CFAP299: variants seen among roughly 807,000 people sequenced by gnomAD.
CFAP299 encodes the protein cilia and flagella associated protein 299, also known as cilia- and flagella-associated protein 299.
A neutral mutation model predicts 27.0 loss-of-function variants in CFAP299; 21 were observed. The ratio of observed to expected loss-of-function variants is 0.78; its 90% CI spans 0.55 to 1.12. The LOEUF (loss-of-function observed/expected upper bound fraction) is 1.12, where lower values mean the gene tolerates loss of function less well. CFAP299 is among the 50% of genes most tolerant of loss of function. CFAP299 has a pLI of 0.00. For synonymous variants in CFAP299, 104 were observed against 98.1 expected (o/e 1.06, Z -0.36); for missense variants, 310 against 276.6 (o/e 1.12, Z -0.86).
intron 5 of CFAP299, among the ~76,000 whole-genome samples, chr4:80,962,894 C>T (rs2109871933): frequency 6.6e-6 from 1 of 151,932 alleles, no homozygotes; most frequent in African/African-American, 2.4e-5. Flanking sequence ...TTTCTTCTCC[C>T]TTATCAATAC....
intron 2 of CFAP299, among the ~76,000 whole-genome samples, chr4:80,518,741 GC>G (rs1195400822): frequency 6.6e-6 from 1 of 152,070 alleles, no homozygotes; most frequent in Non-Finnish European, 1.5e-5. Flanking sequence ...GCTTTGCTTG[GC>G]CATCAGGTAT....
intron 5 of CFAP299, among the ~76,000 whole-genome samples, chr4:80,946,859 G>A (rs946494867): frequency 3.3e-5 from 5 of 152,098 alleles, no homozygotes; most frequent in African/African-American, 4.8e-5. Context: ...CATTTCCAGA[G>A]TCATTTCCTT....
chr4:80,526,697 A>G (rs1006548923), intron 2 of CFAP299, among the ~76,000 whole-genome samples: 3 of 152,104 alleles, frequency 2.0e-5, no homozygotes, highest in African/African-American at 7.2e-5. Context: ...TGTCTAAGGC[A>G]TATACTTTGA....
intron 2 of CFAP299, among the ~76,000 whole-genome samples, chr4:80,571,634 A>G (rs1278097835): frequency 6.6e-6 from 1 of 151,884 alleles, no homozygotes; most frequent in Non-Finnish European, 1.5e-5. Context: ...CTAACCCCAA[A>G]TATCATGGTA....
In CFAP299 at chr4:80,390,866, C is replaced by T. The variant is rs375320484; in HGVS notation, c.242+27982C>T. ...ATACACATATATGTATATGTATATG[C>T]GCACATATATGTATATATGTATATA... On this transcript the variant is annotated intron_variant, in intron 2 of 5. Coordinates refer to ENST00000358105, the MANE Select transcript of CFAP299 (RefSeq NM_152770.3). 1.3e-3 allele frequency among the ~76,000 whole-genome samples: 136 copies of T among 102,014 alleles called. 1 individual carries two copies. Among genetic ancestry groups the T allele is most frequent in the African/African-American group, 3.1e-3 (81 of 25,832 alleles). The allele number at this position is 102,014 out of a possible 152,430, so 66.9% of individuals were successfully genotyped here. A position where few individuals can be genotyped will look rare whatever the true frequency, so the allele number is the denominator to read the frequency against.
At chr4:80,366,135 A>C (rs1012646972) in intron 2 of CFAP299, among the ~76,000 whole-genome samples, 1 of 152,188 alleles carries the variant, frequency 6.6e-6, no homozygotes, top group Non-Finnish European at 1.5e-5. Flanking sequence ...AGAGCCAAAT[A>C]TGTCCTGTGC....
At chr4:80,923,904 TA>T (rs1195433716) in intron 4 of CFAP299, among the ~76,000 whole-genome samples, 2 of 152,034 alleles carry the variant, frequency 1.3e-5, no homozygotes, top group Non-Finnish European at 2.9e-5. Flanking sequence ...TATAGTTATA[TA>T]TTTTTTAAAG....
intron 4 of CFAP299, among the ~76,000 whole-genome samples, chr4:80,884,871 T>A (rs74954427): frequency 0.042 from 6,318 of 152,224 alleles, 392 homozygotes; most frequent in African/African-American, 0.13. Flanking sequence ...CAATCACAAC[T>A]GTTAACAATT....
intron 4 of CFAP299, among the ~76,000 whole-genome samples, chr4:80,912,314 C>A (rs1049165840): frequency 9.9e-5 from 15 of 152,184 alleles, no homozygotes; most frequent in African/African-American, 3.6e-4. Context: ...TATTATTATA[C>A]CCCTGCCTTC....
chr4:80,359,226 A>G (rs1723424405), intron 1 of CFAP299, among the ~76,000 whole-genome samples: 1 of 152,134 alleles, frequency 6.6e-6, no homozygotes, highest in South Asian at 2.1e-4. Context: ...AGGTGATCTG[A>G]CGCTTCTCTC....
intron 3 of CFAP299, among the ~76,000 whole-genome samples, chr4:80,782,346 G>C (rs1726928694): frequency 6.6e-6 from 1 of 151,710 alleles, no homozygotes; most frequent in Admixed American, 6.6e-5. Flanking sequence ...GAATTTAGCA[G>C]TTTGTGAAAC....
At chr4:80,625,275 G>A (rs552455577) in intron 3 of CFAP299, among the ~76,000 whole-genome samples, 1 of 152,114 alleles carries the variant, frequency 6.6e-6, no homozygotes, top group Non-Finnish European at 1.5e-5. Flanking sequence ...TGGTGTGTCT[G>A]TGTGTGTATG....
At chr4:80,638,680 T>C (rs975070240) in intron 3 of CFAP299, among the ~76,000 whole-genome samples, 1 of 152,192 alleles carries the variant, frequency 6.6e-6, no homozygotes, top group Non-Finnish European at 1.5e-5. Flanking sequence ...TATTTTCTGA[T>C]GGTAAGTTCT....
intron 3 of CFAP299, among the ~76,000 whole-genome samples, chr4:80,604,593 G>GAAT (rs1737542431): frequency 6.6e-6 from 1 of 152,170 alleles, no homozygotes. Flanking sequence ...TATTGGCAGT[G>GAAT]AATACATGAG....
intron 3 of CFAP299, among the ~76,000 whole-genome samples, chr4:80,661,682 A>G (rs1307945565): frequency 6.6e-6 from 1 of 152,160 alleles, no homozygotes; most frequent in South Asian, 2.1e-4. Context: ...AAATCTGGGC[A>G]CCTTGAAAAA....
intron 3 of CFAP299, among the ~76,000 whole-genome samples, chr4:80,794,141 A>G (rs545712781): frequency 1.3e-5 from 2 of 152,310 alleles, no homozygotes; most frequent in African/African-American, 4.8e-5. Context: ...GTCTGGGTCA[A>G]TCACCCCAGC....
At chr4:80,910,821 A>T (rs893999198) in intron 4 of CFAP299, among the ~76,000 whole-genome samples, 2 of 152,086 alleles carry the variant, frequency 1.3e-5, no homozygotes, top group African/African-American at 2.4e-5. Flanking sequence ...TAAAAAAAAA[A>T]TTATTGTCAT....
intron 3 of CFAP299, among the ~76,000 whole-genome samples, chr4:80,787,772 C>T (rs1727328242): frequency 6.6e-6 from 1 of 151,970 alleles, no homozygotes; most frequent in African/African-American, 2.4e-5. Context: ...TTGCCACTCC[C>T]TGACTTTCAC....
intron 2 of CFAP299, among the ~76,000 whole-genome samples, chr4:80,551,231 A>G (rs1034241818): frequency 2.6e-5 from 4 of 152,226 alleles, no homozygotes; most frequent in Admixed American, 6.5e-5. Context: ...ACAATAAAAT[A>G]TGCCATATTA....
Sources: gnomAD v4.1 joint callset for allele counts (sites outside exome capture counted in the v4.1 genomes callset) on GRCh38, gnomAD v4.1.1 for gene constraint, MANE v1.5 for transcripts, NCBI Gene and HGNC (gene_info 2026-07-23, HGNC 2026-07-21) for gene names.